Variants in SS18 observed in about 807,000 individuals in gnomAD.
SS18 encodes the protein protein SSXT.
SS18 carries 28 observed loss-of-function variants against 72.5 expected under a neutral mutation model. The observed-to-expected ratio is 0.39, with a 90% CI of 0.29 to 0.53. SS18 has a LOEUF of 0.53. Among genes scored for constraint, SS18 ranks in the 20% least tolerant of loss-of-function variants. The pLI is 0.76. For missense variants in SS18, 518 were observed against 535.3 expected (o/e 0.97, Z 0.32); for synonymous variants, 172 against 164.2 (o/e 1.05, Z -0.37).
At chr18:26,082,961 G>A (rs1179071516) in intron 2 of SS18, among the ~76,000 whole-genome samples, 3 of 152,028 alleles carry the variant, frequency 2.0e-5, no homozygotes, top group Admixed American at 6.5e-5. Context: ...ATTCCCAGAT[G>A]GCTGTCATGT....
At chr18:26,028,694 T>C (rs1452322532) in intron 10 of SS18, among the ~76,000 whole-genome samples, 10 of 152,140 alleles carry the variant, frequency 6.6e-5, no homozygotes, top group Admixed American at 6.6e-4. Flanking sequence ...TCTATACAAT[T>C]TTGGAAAATG....
rs1598549643 is a variant in SS18 at position 26,039,540 on chromosome 18, A to G, written c.608-84T>C. 1.7e-5 allele frequency: 21 copies of G among 1,257,070 alleles called. No homozygotes were observed. The East Asian group carries it at 5.3e-4, about 31-fold the overall frequency. The allele number at this position is 1,257,070 out of a possible 1,614,324, so 77.9% of individuals were successfully genotyped here. On this transcript the variant is annotated intron_variant, in intron 5 of 10. Transcript: ENST00000415083. ...GAGAAATAAGATAATCTTTTATCAT[A>G]TAGTCCCAAAAATATATAATTAAAT...
At chr18:26,033,432 A>G (rs1465127372) in intron 9 of SS18, among the ~76,000 whole-genome samples, 1 of 151,922 alleles carries the variant, frequency 6.6e-6, no homozygotes, top group East Asian at 1.9e-4. Flanking sequence ...GAATCGCTTG[A>G]ACCCGGGAAG....
At chr18:26,087,905 C>G (rs527788956) in intron 1 of SS18, among the ~76,000 whole-genome samples, 55 of 152,278 alleles carry the variant, frequency 3.6e-4, no homozygotes, top group African/African-American at 1.3e-3. Flanking sequence ...CATAAAATTT[C>G]ATTACGTACT....
At chr18:26,037,836 G>A (rs1340976856) in intron 7 of SS18, among the ~76,000 whole-genome samples, 1 of 151,958 alleles carries the variant, frequency 6.6e-6, no homozygotes, top group African/African-American at 2.4e-5. Context: ...AAAAATTGAT[G>A]AAACTGTACT....
intron 3 of SS18, among the ~76,000 whole-genome samples, chr18:26,058,008 C>A (rs1286612903): frequency 1.3e-5 from 2 of 152,006 alleles, no homozygotes; most frequent in African/African-American, 2.4e-5. Context: ...TTAAGCATTT[C>A]TAATGTGTCT....
At chr18:26,036,146 TAC>T (rs1192538524) in intron 7 of SS18, among the ~76,000 whole-genome samples, 1 of 152,078 alleles carries the variant, frequency 6.6e-6, no homozygotes, top group Non-Finnish European at 1.5e-5. Context: ...TTAGAAACAT[TAC>T]ACTTATTGTC....
At chr18:26,062,507 G>GA (rs1241132267) in intron 3 of SS18, among the ~76,000 whole-genome samples, 3 of 151,556 alleles carry the variant, frequency 2.0e-5, no homozygotes, top group Non-Finnish European at 4.4e-5. Flanking sequence ...GGAACAAATA[G>GA]AAAAAAAATA....
chr18:26,023,640 C>T (rs1013012476), intron 10 of SS18: 2 of 527,644 alleles, frequency 3.8e-6, no homozygotes, highest in Non-Finnish European at 3.7e-6. Context: ...ATTCTATACC[C>T]AGAGAAAATA....
intron 10 of SS18, among the ~76,000 whole-genome samples, chr18:26,023,438 G>T (rs1225614709): frequency 2.0e-5 from 3 of 152,000 alleles, no homozygotes; most frequent in Non-Finnish European, 4.4e-5. Flanking sequence ...AACAATTTGG[G>T]CAAGAGAGAA....
rs1302525847 is a variant in SS18 at position 26,039,476 on chromosome 18, T to A, written c.608-20A>T. On this transcript the variant is annotated intron_variant, in intron 5 of 10. Coordinates refer to ENST00000415083, the MANE Select transcript of SS18 (RefSeq NM_001007559.3). ...TTGGACCTGAAACAAGACACAACAT[T>A]ATACACATAATTTTTTGTATATAAC... is the stretch of plus-strand genomic sequence containing the variant. 1.0e-5 allele frequency: 16 copies of A among 1,575,236 alleles called. No homozygotes were observed. The highest frequency in any genetic ancestry group is 2.7e-5 in the African/African-American group (2 of 74,378).
At chr18:26,025,872 A>C (rs2053437231) in intron 10 of SS18, among the ~76,000 whole-genome samples, 1 of 151,794 alleles carries the variant, frequency 6.6e-6, no homozygotes, top group African/African-American at 2.4e-5. Context: ...GAAAAAAAAA[A>C]AACAGATTCC....
intron 4 of SS18, among the ~76,000 whole-genome samples, chr18:26,056,176 C>A (rs575063226): frequency 1.1e-4 from 17 of 152,242 alleles, no homozygotes; most frequent in Admixed American, 3.3e-4. Flanking sequence ...TACACAAAAC[C>A]AAAATGTCAT....
At chr18:26,036,181 A>AG (rs933623420) in intron 7 of SS18, among the ~76,000 whole-genome samples, 3 of 137,948 alleles carry the variant, frequency 2.2e-5, no homozygotes, top group Non-Finnish European at 3.0e-5. Flanking sequence ...ATCCTCATTG[A>AG]GGGAAAAAAA....
intron 3 of SS18, among the ~76,000 whole-genome samples, chr18:26,072,776 AAC>A (rs1212755633): frequency 6.9e-6 from 1 of 145,142 alleles, no homozygotes; most frequent in Non-Finnish European, 1.5e-5. Flanking sequence ...CAGCCTGGGC[AAC>A]AGAGCGAGAC....
chr18:26,039,168 CAAAAAAAAAA>C (rs34318951), intron 6 of SS18, 111 bp downstream of exon 6: 117 of 251,594 alleles, frequency 4.7e-4, no homozygotes, highest in African/African-American at 1.1e-3. Context: ...TACCTTTTGT[CAAAAAAAAAA>C]AAAAAAAAAA....
intron 3 of SS18, among the ~76,000 whole-genome samples, chr18:26,058,643 C>A (rs2054067015): frequency 6.6e-6 from 1 of 152,174 alleles, no homozygotes; most frequent in South Asian, 2.1e-4. Flanking sequence ...CTCTTTGGCA[C>A]ACTTAATAGA....
At chr18:26,052,978 G>C in intron 4 of SS18, 133 bp from the exon 5 acceptor site, 1 of 691,792 alleles carries the variant, frequency 1.4e-6, no homozygotes, top group Non-Finnish European at 2.4e-6. Context: ...CAAAGTAAAT[G>C]GTTTATAGGA....
At chr18:26,022,161 C>T (rs761006206) in intron 10 of SS18, among the ~76,000 whole-genome samples, 1 of 152,116 alleles carries the variant, frequency 6.6e-6, no homozygotes, top group Non-Finnish European at 1.5e-5. Flanking sequence ...CTTGTGATCA[C>T]GCATTCAAAT....
Sources: allele counts gnomAD v4.1 joint callset (sites outside exome capture counted in the v4.1 genomes callset), GRCh38; gene constraint gnomAD v4.1.1; transcripts MANE v1.5; gene names NCBI Gene and HGNC (gene_info 2026-07-23, HGNC 2026-07-21).